The following SDHB variants were observed in gnomAD, a reference collection of about 807,000 sequenced individuals.
SDHB encodes succinate dehydrogenase complex iron sulfur subunit B.
Under a neutral mutation model 39.7 loss-of-function variants are expected in SDHB, and 21 were observed. The observed-to-expected ratio is 0.53, with a 90% CI of 0.37 to 0.76. The LOEUF (loss-of-function observed/expected upper bound fraction) is 0.76. Among genes scored for constraint, SDHB ranks in the 30% least tolerant of loss-of-function variants. SDHB has a pLI of 0.00. For synonymous variants in SDHB, 118 were observed against 117.0 expected, an observed-to-expected ratio of 1.01 and a Z score of -0.06; for missense variants, 343 against 350.9, an observed-to-expected ratio of 0.98 and a Z score of 0.18.
intron 1 of SDHB, among the ~76,000 whole-genome samples, chr1:17,045,513 T>C (rs1490421372): frequency 6.6e-6 from 1 of 152,066 alleles, no homozygotes; most frequent in African/African-American, 2.4e-5. Context: ...GTGGGAGGAC[T>C]GCTTGGGCCC....
intron 1 of SDHB, among the ~76,000 whole-genome samples, chr1:17,050,264 G>C (rs2078137944): frequency 1.3e-5 from 2 of 151,492 alleles, no homozygotes; most frequent in Non-Finnish European, 2.9e-5. Flanking sequence ...TATCTAAGTC[G>C]ACATATCCCA....
At chr1:17,047,126 C>G (rs765044070) in intron 1 of SDHB, among the ~76,000 whole-genome samples, 1 of 152,048 alleles carries the variant, frequency 6.6e-6, no homozygotes, top group Non-Finnish European at 1.5e-5. Flanking sequence ...GAGGCCAAGA[C>G]AGACGAATCA....
chr1:17,047,221 T>G (rs1306611528), intron 1 of SDHB, among the ~76,000 whole-genome samples: 5 of 150,898 alleles, frequency 3.3e-5, no homozygotes, highest in Non-Finnish European at 7.4e-5. Flanking sequence ...CCCGGTGTGG[T>G]GGCACATGTC....
chr1:17,023,706 G>A (rs75637857), intron 6 of SDHB, among the ~76,000 whole-genome samples: 1,535 of 152,300 alleles, frequency 0.01, 24 homozygotes, highest in African/African-American at 0.035. Context: ...CCAGGCAAAC[G>A]GAAATACATT....
At chr1:17,036,120 A>G (rs1045192747) in intron 2 of SDHB, among the ~76,000 whole-genome samples, 2 of 152,106 alleles carry the variant, frequency 1.3e-5, no homozygotes, top group African/African-American at 4.8e-5. Context: ...CAACTTGTCA[A>G]CTTCTGCAGA....
rs1395418494 is a variant in SDHB, at chr1:17,018,935, A to G, written c.789T>C (p.Ile263=). 6.2e-7 allele frequency: 1 copy of G among 1,612,546 alleles called. No individual in the cohort carries two copies. The highest frequency in any genetic ancestry group is 1.7e-5 in the Admixed American group (1 of 59,994). ...TTGCCATCATTTTCTTGATCTCTGC[A>G]ATAGCTTTCCCTGGATTCAGACCCT... ...CPKGLNPGKA[I]AEIKKMMATY... The change falls in exon 8 of 8, where the codon ATT becomes ATC. Residue 263 remains isoleucine (I), a synonymous_variant. Coordinates refer to ENST00000375499, the MANE Select transcript of SDHB (RefSeq NM_003000.3).
At chr1:17,034,946 A>G (rs553194074) in intron 2 of SDHB, among the ~76,000 whole-genome samples, 1 of 152,296 alleles carries the variant, frequency 6.6e-6, no homozygotes, top group South Asian at 2.1e-4. Context: ...CAGAGAATAA[A>G]AGAGACGAAT....
chr1:17,030,490 C>T lies in SDHB; in HGVS notation c.287-1754G>A, dbSNP rs143851917. Among the ~76,000 whole-genome samples the T allele has an allele frequency of 4.6e-5, 7 of 152,276 alleles. No individual in the cohort carries two copies. The East Asian group carries it at 1.2e-3, about 25-fold the overall frequency. On this transcript the variant is annotated intron_variant, in intron 3 of 7. Coordinates refer to ENST00000375499, the MANE Select transcript of SDHB (RefSeq NM_003000.3). The stretch of plus-strand genomic sequence containing the variant: ...AAAGCAAAGCAAACTAAACAAAAAA[C>T]GTGCTGACCCAGGACCCCGACATGA...
intron 2 of SDHB, among the ~76,000 whole-genome samples, chr1:17,036,673 C>T (rs2078051486): frequency 7.1e-6 from 1 of 141,296 alleles, no homozygotes; most frequent in African/African-American, 2.7e-5. Context: ...CAGGGTTTTA[C>T]ATATATAAAT....
In SDHB at chr1:17,028,676, C is replaced by G. The variant is rs777234785; in HGVS notation, c.347G>C (p.Arg116Thr). The change falls in exon 4 of 8, where the codon AGG (arginine) becomes ACG (threonine). Residue 116 changes from arginine to threonine, a missense_variant. Physicochemically the swap from Arg to Thr is moderately conservative, Grantham distance 71. Transcript: ENST00000375499. ...NGGNTLACTRRIDTNLNKVSK... is the reference protein window; with the variant it reads ...NGGNTLACTRTIDTNLNKVSK... The stretch of plus-strand genomic sequence containing the variant: ...GACCTTATTGAGGTTGGTGTCAATC[C>G]TTCGGGTGCAAGCTAGAGTGTTGCC... 1 of 1,614,162 alleles carries G rather than the reference C, an allele frequency of 6.2e-7. No individual in the cohort carries two copies. Among genetic ancestry groups the G allele is most frequent in the Admixed American group, 1.7e-5 (1 of 60,018 alleles).
In SDHB at chr1:17,023,980, A is replaced by G; in HGVS notation, c.635T>C (p.Leu212Pro). ...NGDKYLGPAV[L>P]MQAYRWMIDS... ...AATTAAGGAGCACCTCACCTGCATA[A>G]GAACTGCAGGCCCCAGATATTTGTC... Residue 212 changes from leucine (L) to proline (P), a missense_variant, in exon 6 of 8, where the codon CTT becomes CCT. Coordinates refer to ENST00000375499, the MANE Select transcript of SDHB (RefSeq NM_003000.3). 1 of 1,610,626 alleles carries G rather than the reference A, an allele frequency of 6.2e-7. No homozygotes were observed. Among genetic ancestry groups the G allele is most frequent in the Non-Finnish European group, 8.5e-7 (1 of 1,176,910 alleles).
At chr1:17,029,062 T>C (rs1440188217) in intron 3 of SDHB, among the ~76,000 whole-genome samples, 2 of 149,788 alleles carry the variant, frequency 1.3e-5, no homozygotes, top group African/African-American at 2.5e-5. Context: ...TCTAGCTCCA[T>C]GTGTCACGTG....
chr1:17,035,369 T>C (rs2078045398), intron 2 of SDHB, among the ~76,000 whole-genome samples: 1 of 152,178 alleles, frequency 6.6e-6, no homozygotes, highest in South Asian at 2.1e-4. Context: ...ACTGACTAAA[T>C]CCTCTTTTGC....
chr1:17,048,466 T>C lies in SDHB; in HGVS notation c.73-3578A>G, dbSNP rs1570960264. ...ATGAACATTTGTGGACAAATTTCTG[T>C]GTGAACGTTACATCTTCATTTCTCA... On this transcript the variant is annotated intron_variant, in intron 1 of 7. Transcript: ENST00000375499. Among the ~76,000 whole-genome samples the C allele has an allele frequency of 2.6e-4, 14 of 54,442 alleles. No individual in the cohort carries two copies. In the South Asian group the frequency reaches 9.2e-3, roughly 36 times the overall value. 35.7% of individuals were successfully genotyped at this position (54,442 alleles called of 152,430 possible). A position where few individuals can be genotyped will look rare whatever the true frequency, so the allele number is the denominator to read the frequency against.
intron 1 of SDHB, among the ~76,000 whole-genome samples, chr1:17,051,788 G>A (rs868315278): frequency 6.6e-6 from 1 of 151,732 alleles, no homozygotes. Context: ...ATTCTGATTT[G>A]TAAATAGGTA....
rs75540653 is a variant in SDHB, at chr1:17,026,191, G to A, written c.540+1558C>T. Among the ~76,000 whole-genome samples, 460 of 152,302 alleles carry A rather than the reference G, an allele frequency of 3.0e-3. 1 individual carries two copies. The highest frequency in any genetic ancestry group is 0.011 in the African/African-American group (445 of 41,576). On this transcript the variant is annotated intron_variant, in intron 5 of 7. Coordinates refer to ENST00000375499, the MANE Select transcript of SDHB (RefSeq NM_003000.3). ...GGGCCAGAGGGCCCGGTTCAGCCTG[G>A]ACTCTGGGATGCACAAGACTCTGGG...
At chr1:17,052,443 A>T (rs1374097364) in intron 1 of SDHB, 2 of 152,182 alleles carry the variant, frequency 1.3e-5, no homozygotes, top group East Asian at 3.8e-4. Flanking sequence ...TGTTGCCCTC[A>T]GGAGGCCCTG....
At chr1:17,038,830 T>A (rs1307768706) in intron 2 of SDHB, among the ~76,000 whole-genome samples, 6 of 152,232 alleles carry the variant, frequency 3.9e-5, no homozygotes, top group Admixed American at 3.9e-4. Context: ...ATATACACAC[T>A]GTGAAAATTA....
intron 2 of SDHB, among the ~76,000 whole-genome samples, chr1:17,039,423 A>AT (rs2078067300): frequency 6.6e-6 from 1 of 150,392 alleles, no homozygotes; most frequent in African/African-American, 2.5e-5. Flanking sequence ...TACAAAAAAA[A>AT]AAAAAAAAAA....
Sources: allele counts gnomAD v4.1 joint callset (sites outside exome capture counted in the v4.1 genomes callset), GRCh38; gene constraint gnomAD v4.1.1; transcripts MANE v1.5; gene names NCBI Gene and HGNC (gene_info 2026-07-23, HGNC 2026-07-21).